Variants in SLC39A11 observed in about 807,000 individuals in gnomAD.
SLC39A11 encodes solute carrier family 39 member 11.
SLC39A11 carries 33 observed loss-of-function variants against 36.1 expected under a neutral mutation model. That is an observed-to-expected ratio of 0.91 (90% CI 0.69 to 1.22). SLC39A11 has a LOEUF of 1.22. Among genes scored for constraint, SLC39A11 ranks in the 50% most tolerant of loss-of-function variants. The pLI, the probability that SLC39A11 is intolerant of heterozygous loss-of-function variation, is 0.00. For missense variants in SLC39A11, 432 were observed against 430.3 expected, an observed-to-expected ratio of 1.00 and a Z score of -0.03; for synonymous variants, 166 against 170.3, an observed-to-expected ratio of 0.97 and a Z score of 0.20.
At chr17:72,772,040 A>T (rs537786787) in intron 6 of SLC39A11, among the ~76,000 whole-genome samples, 1 of 152,048 alleles carries the variant, frequency 6.6e-6, no homozygotes, top group East Asian at 1.9e-4. Context: ...GAAACAAGAA[A>T]TCCAGACACT....
intron 2 of SLC39A11, 132 bp from the exon 3 acceptor site, chr17:73,084,978 T>C (rs1440162710): frequency 2.2e-6 from 2 of 897,976 alleles, no homozygotes; most frequent in Non-Finnish European, 3.6e-6. Context: ...CGTGAGCTAC[T>C]CAGTTTATAC....
chr17:72,861,740 TTATATATATATATA>T (rs71945815), intron 5 of SLC39A11, among the ~76,000 whole-genome samples: 6,504 of 67,132 alleles, frequency 0.097, 437 homozygotes, highest in East Asian at 0.25. Flanking sequence ...ACATTGGAGA[TTATATATATATATA>T]TATATATATA....
At chr17:72,923,880 C>T (rs73345543) in intron 5 of SLC39A11, among the ~76,000 whole-genome samples, 7,082 of 152,182 alleles carry the variant, frequency 0.047, 516 homozygotes, top group African/African-American at 0.15. Flanking sequence ...CGCAGTGGCT[C>T]ACACCTATAA....
At chr17:72,901,507 G>A (rs1360704770) in intron 5 of SLC39A11, among the ~76,000 whole-genome samples, 2 of 152,154 alleles carry the variant, frequency 1.3e-5, no homozygotes, top group Admixed American at 6.5e-5. Context: ...ACACCCACCT[G>A]GATGGGCCGG....
intron 5 of SLC39A11, among the ~76,000 whole-genome samples, chr17:72,931,445 C>T (rs888686618): frequency 6.6e-6 from 1 of 152,172 alleles, no homozygotes; most frequent in African/African-American, 2.4e-5. Context: ...TGGGACTGTG[C>T]CTCGAAGGCT....
chr17:72,969,028 G>A (rs1568041178), intron 4 of SLC39A11, among the ~76,000 whole-genome samples: 2 of 151,936 alleles, frequency 1.3e-5, no homozygotes, highest in South Asian at 4.2e-4. Flanking sequence ...GACAGGCCAC[G>A]ATGTCCCGTG....
intron 3 of SLC39A11, among the ~76,000 whole-genome samples, chr17:73,065,775 G>A (rs995778253): frequency 6.6e-6 from 1 of 152,166 alleles, no homozygotes; most frequent in African/African-American, 2.4e-5. Context: ...GAACACATTA[G>A]GCTTAACTGG....
In SLC39A11 at chr17:72,759,992, T is replaced by C. The variant is rs539109713; in HGVS notation, c.602-23273A>G. Among the ~76,000 whole-genome samples the C allele has an allele frequency of 2.0e-5, 3 of 152,304 alleles. No homozygotes were observed. In the East Asian group the frequency reaches 5.8e-4, roughly 29 times the overall value. ...TCTTAGGTCATGGAATCTTGTTTGTTTTTTTTCTTCACAGGTCACATATAG... is the reference window on the plus strand; with the variant it reads ...TCTTAGGTCATGGAATCTTGTTTGTCTTTTTTCTTCACAGGTCACATATAG... On this transcript the variant is annotated intron_variant, in intron 6 of 9. Transcript: ENST00000255559.
intron 3 of SLC39A11, among the ~76,000 whole-genome samples, chr17:73,035,732 C>G (rs370376391): frequency 6.6e-6 from 1 of 151,776 alleles, no homozygotes; most frequent in East Asian, 1.9e-4. Context: ...GGCATCGTGG[C>G]AGGCACCTGT....
intron 3 of SLC39A11, among the ~76,000 whole-genome samples, chr17:73,062,447 G>C (rs1026268161): frequency 3.7e-5 from 1 of 27,028 alleles, no homozygotes; most frequent in African/African-American, 1.6e-4. Flanking sequence ...GGGTGATAGT[G>C]CCAGAGCTTG....
At chr17:72,837,877 T>TGGAG (rs1437942425) in intron 6 of SLC39A11, 20 of 1,104,518 alleles carry the variant, frequency 1.8e-5, no homozygotes, top group South Asian at 1.4e-4. Context: ...GTGCAGGGGC[T>TGGAG]GGAGGGAGGG....
chr17:73,008,136 T>C (rs1429506551), intron 4 of SLC39A11, among the ~76,000 whole-genome samples: 1 of 71,750 alleles, frequency 1.4e-5, no homozygotes, highest in Non-Finnish European at 4.6e-5. Context: ...AAAGAAACAT[T>C]TGTTGTTGGG....
rs529162596 is a variant in SLC39A11 at position 72,648,782 on chromosome 17, A to G, written c.929+21T>C. On this transcript the variant is annotated intron_variant, in intron 9 of 9. Coordinates refer to ENST00000255559, the MANE Select transcript of SLC39A11 (RefSeq NM_139177.4). ...AGCTGGGACTGGGACAGGGACAGAC[A>G]GGGAGGGAAGGTTCTCCAACCTGAT... 1.4e-4 allele frequency: 224 copies of G among 1,614,036 alleles called. 1 individual carries two copies. In the South Asian group the frequency reaches 2.1e-3, roughly 15 times the overall value.
At chr17:72,670,295 T>C (rs2070967235) in intron 7 of SLC39A11, among the ~76,000 whole-genome samples, 1 of 150,900 alleles carries the variant, frequency 6.6e-6, no homozygotes, top group Non-Finnish European at 1.5e-5. Flanking sequence ...CACTTGAGGC[T>C]GGGAGGTCAG....
intron 6 of SLC39A11, among the ~76,000 whole-genome samples, chr17:72,809,203 CTCTCTCTCTCT>C (rs2077359548): frequency 2.1e-5 from 3 of 143,734 alleles, no homozygotes; most frequent in Admixed American, 1.4e-4. Context: ...TTTTCTTTCT[CTCTCTCTCTCT>C]CTCTCTCTCT....
intron 5 of SLC39A11, among the ~76,000 whole-genome samples, chr17:72,943,869 T>C (rs1567994578): frequency 1.3e-5 from 2 of 152,192 alleles, no homozygotes; most frequent in South Asian, 2.1e-4. Context: ...TCAGTTGCCA[T>C]GGACCCTCAG....
intron 5 of SLC39A11, among the ~76,000 whole-genome samples, chr17:72,896,296 G>A (rs1598319152): frequency 6.9e-6 from 1 of 145,034 alleles, no homozygotes; most frequent in East Asian, 2.0e-4. Context: ...CCACCTCCCA[G>A]GTTCAAGTGA....
intron 5 of SLC39A11, among the ~76,000 whole-genome samples, chr17:72,889,004 G>A (rs1280244586): frequency 1.3e-5 from 2 of 152,070 alleles, no homozygotes; most frequent in African/African-American, 4.8e-5. Context: ...TCATAAAGAG[G>A]CCTCAGACTC....
intron 5 of SLC39A11, among the ~76,000 whole-genome samples, chr17:72,875,688 G>A (rs1250954396): frequency 6.6e-6 from 1 of 152,056 alleles, no homozygotes. Flanking sequence ...GATCTAATTC[G>A]GAGTCATTGT....
Sources: gnomAD v4.1 joint callset for allele counts (sites outside exome capture counted in the v4.1 genomes callset) on GRCh38, gnomAD v4.1.1 for gene constraint, MANE v1.5 for transcripts, NCBI Gene and HGNC (gene_info 2026-07-23, HGNC 2026-07-21) for gene names.